The following KIAA0232 variants were observed in gnomAD, a reference collection of about 807,000 sequenced individuals.
The protein encoded by KIAA0232 is uncharacterized protein KIAA0232.
In KIAA0232, 27 loss-of-function variants were observed where a neutral mutation model predicts 122.0. The observed-to-expected ratio is 0.22, with a 90% confidence interval of 0.16 to 0.31. The LOEUF is 0.31. Ranked by LOEUF, KIAA0232 falls within the 10% of genes least tolerant of loss-of-function variation. The pLI, the probability that KIAA0232 is intolerant of heterozygous loss-of-function variation, is 1.00. For synonymous variants in KIAA0232, 613 were observed against 587.6 expected, an observed-to-expected ratio of 1.04 and a Z score of -0.63; for missense variants, 1,551 against 1,634.2, an observed-to-expected ratio of 0.95 and a Z score of 0.88.
chr4:6,860,439 A>G (rs1720792940), intron 6 of KIAA0232, among the ~76,000 whole-genome samples: 1 of 152,216 alleles, frequency 6.6e-6, no homozygotes. Context: ...CAACGCTCAC[A>G]ATAACTTTGG....
chr4:6,878,366 C>G (rs1331127018), intron 9 of KIAA0232, among the ~76,000 whole-genome samples: 1 of 110,850 alleles, frequency 9.0e-6, no homozygotes, highest in South Asian at 2.8e-4. Flanking sequence ...CAGAGCAAAA[C>G]TCCATCATTC....
At position 6,864,069 on chromosome 4, in the gene KIAA0232, T is replaced by C. The variant is rs766892551; in HGVS notation, c.3687T>C (p.Asn1229=). The C allele has an allele frequency of 1.9e-6, 3 of 1,614,040 alleles. No individual in the cohort carries two copies. Among genetic ancestry groups the C allele is most frequent in the East Asian group, 4.5e-5 (2 of 44,894 alleles). Residue 1229 remains asparagine (N), a synonymous_variant, in exon 7 of 10, where the codon AAT becomes AAC. Coordinates refer to ENST00000307659, the MANE Select transcript of KIAA0232 (RefSeq NM_014743.3). ...TAGATTTAGAAAGCTCAGAAGCAAATTGTAAAATAATGGCACAATGCGAGG... is the reference window on the plus strand; with the variant it reads ...TAGATTTAGAAAGCTCAGAAGCAAACTGTAAAATAATGGCACAATGCGAGG... ...LEIDLESSEA[N]CKIMAQCEEE...
intron 1 of KIAA0232, among the ~76,000 whole-genome samples, chr4:6,783,615 G>C (rs931985327): frequency 1.3e-5 from 2 of 151,398 alleles, no homozygotes; most frequent in East Asian, 1.9e-4. Flanking sequence ...CCGCCGGGCG[G>C]GGGAGGAGGG....
chr4:6,836,039 G>A (rs377310744), intron 3 of KIAA0232, among the ~76,000 whole-genome samples: 2 of 152,300 alleles, frequency 1.3e-5, no homozygotes, highest in African/African-American at 4.8e-5. Flanking sequence ...TTGAGGGATC[G>A]CCACACTGTC....
chr4:6,860,807 A>C (rs758270106), intron 6 of KIAA0232, 94 bp from the exon 7 acceptor site: 6 of 1,085,676 alleles, frequency 5.5e-6, no homozygotes, highest in Non-Finnish European at 6.7e-6. Flanking sequence ...CACTACTAAA[A>C]TGAAATATTC....
Position 6,861,656 on chromosome 4 carries a change from G to A in KIAA0232, c.1274G>A (p.Arg425Gln), listed in dbSNP as rs1398443194. 3.5e-5 allele frequency: 57 copies of A among 1,613,918 alleles called. No individual in the cohort carries two copies. Among genetic ancestry groups the A allele is most frequent in the Admixed American group, 3.5e-4 (21 of 59,988 alleles). The change falls in exon 7 of 10, where the codon CGA becomes CAA. Residue 425 changes from arginine (R) to glutamine (Q), a missense_variant. By Grantham distance (43) the Arg-to-Gln change is conservative. Coordinates refer to ENST00000307659, the MANE Select transcript of KIAA0232 (RefSeq NM_014743.3). ...AAAAGTAAACTAGAGACCACATACC[G>A]AAACAGACAGGATACAAGTGATCTG... ...SRKSKLETTY[R>Q]NRQDTSDLTS...
chr4:6,790,392 C>CT (rs10532360), intron 1 of KIAA0232, among the ~76,000 whole-genome samples: 4,990 of 109,304 alleles, frequency 0.046, 333 homozygotes, highest in African/African-American at 0.054. Context: ...TAAAAAAGGT[C>CT]TTTTTTTTTT....
intron 3 of KIAA0232, among the ~76,000 whole-genome samples, chr4:6,826,182 T>C (rs1432428944): frequency 6.6e-6 from 1 of 152,228 alleles, no homozygotes; most frequent in African/African-American, 2.4e-5. Flanking sequence ...TCATCATGTC[T>C]AGCTGGACAC....
chr4:6,872,271 C>G (rs958133690), intron 8 of KIAA0232, among the ~76,000 whole-genome samples: 12 of 152,090 alleles, frequency 7.9e-5, no homozygotes, highest in African/African-American at 2.9e-4. Context: ...TAAGCCCTTG[C>G]AGTAGTTTGG....
rs1471116742 is a variant in KIAA0232, at chr4:6,883,277, T to G, written c.*2311T>G. ...GGGCTGAGATTGTTTTTCCCGTGGT[T>G]GTATTGTTCTGATTTCACGTACACC... On this transcript the variant is annotated 3_prime_UTR_variant, in exon 10 of 10. Transcript: ENST00000307659. 1 of 152,668 alleles carries G rather than the reference T, an allele frequency of 6.6e-6. No homozygotes were observed. Among genetic ancestry groups the G allele is most frequent in the African/African-American group, 2.4e-5 (1 of 41,460 alleles). 9.5% of individuals were successfully genotyped at this position (152,668 alleles called of 1,614,324 possible). A position where few individuals can be genotyped will look rare whatever the true frequency, so the allele number is the denominator to read the frequency against.
chr4:6,857,368 G>A, intron 5 of KIAA0232, 138 bp downstream of exon 5: 2 of 601,668 alleles, frequency 3.3e-6, no homozygotes, highest in Non-Finnish European at 5.4e-6. Context: ...CACTAGGCCA[G>A]CCTCATGCTC....
chr4:6,812,074 T>G (rs1717905781), intron 2 of KIAA0232, among the ~76,000 whole-genome samples: 1 of 152,144 alleles, frequency 6.6e-6, no homozygotes, highest in African/African-American at 2.4e-5. Flanking sequence ...CTGGGCACAT[T>G]GTGTTATTTC....
rs559028182 is a variant in KIAA0232 at position 6,883,777 on chromosome 4, G to A, written c.*2811G>A. 5.3e-4 allele frequency: 80 copies of A among 152,320 alleles called. No homozygotes were observed. The highest frequency in any genetic ancestry group is 1.5e-3 in the African/African-American group (62 of 41,566). The allele number at this position is 152,320 out of a possible 1,614,324, so 9.4% of individuals were successfully genotyped here. A position where few individuals can be genotyped will look rare whatever the true frequency, so the allele number is the denominator to read the frequency against. ...GTTTTTAAAGAAGTATAAGGGAAAA[G>A]GAAAACTCATATGTCCTTCTGTCAC... On this transcript the variant is annotated 3_prime_UTR_variant, in exon 10 of 10. Coordinates refer to ENST00000307659, the MANE Select transcript of KIAA0232 (RefSeq NM_014743.3).
intron 8 of KIAA0232, among the ~76,000 whole-genome samples, chr4:6,875,506 G>T (rs1044592709): frequency 1.3e-5 from 2 of 152,200 alleles, no homozygotes; most frequent in Non-Finnish European, 2.9e-5. Context: ...GGCCAGTGCA[G>T]CTGCAGGAAG....
intron 2 of KIAA0232, among the ~76,000 whole-genome samples, chr4:6,804,885 C>A (rs950333795): frequency 6.6e-6 from 1 of 152,136 alleles, no homozygotes; most frequent in Non-Finnish European, 1.5e-5. Context: ...CTGATTAGAA[C>A]ATCTCCTGTT....
chr4:6,861,231 T>G lies in KIAA0232; in HGVS notation c.849T>G (p.Ile283Met). The G allele has an allele frequency of 1.2e-6, 2 of 1,614,102 alleles. No homozygotes were observed. The highest frequency in any genetic ancestry group is 1.7e-6 in the Non-Finnish European group (2 of 1,180,040). The change falls in exon 7 of 10, where the codon ATT becomes ATG. Residue 283 changes from isoleucine to methionine, a missense_variant. Transcript: ENST00000307659. ...TCCGACATAAACCTGAAGGAAAGATTCGCCCTCGCTCGTGGTCTTCTGGCT... is the reference window on the plus strand; with the variant it reads ...TCCGACATAAACCTGAAGGAAAGATGCGCCCTCGCTCGTGGTCTTCTGGCT... ...KQIRHKPEGK[I>M]RPRSWSSGSS...
rs376757364 is a variant in KIAA0232, at chr4:6,881,005, T to C, written c.*39T>C. The C allele has an allele frequency of 1.2e-5, 17 of 1,375,094 alleles. No homozygotes were observed. The highest frequency in any genetic ancestry group is 1.1e-4 in the South Asian group (6 of 54,444). The allele number at this position is 1,375,094 out of a possible 1,614,324, so 85.2% of individuals were successfully genotyped here. Reference sequence around the variant, plus strand: ...TACAAATTATTGTTTAAAAATGATATGTGATGGAAAATTACTCTTCAGTGA... The same window carrying C: ...TACAAATTATTGTTTAAAAATGATACGTGATGGAAAATTACTCTTCAGTGA... On this transcript the variant is annotated 3_prime_UTR_variant, in exon 10 of 10. Coordinates refer to ENST00000307659, the MANE Select transcript of KIAA0232 (RefSeq NM_014743.3).
Position 6,863,794 on chromosome 4 carries a change from C to G in KIAA0232, c.3412C>G (p.Pro1138Ala). ...SEKDEANIPI[P>A]SQVDIFEDPQ... The stretch of plus-strand genomic sequence containing the variant: ...GAAAGATGAAGCAAATATTCCCATT[C>G]CTTCTCAAGTTGATATATTTGAAGA... The change falls in exon 7 of 10, where the codon CCT becomes GCT. Residue 1138 changes from proline (P) to alanine (A), a missense_variant. By Grantham distance (27) the Pro-to-Ala change is conservative (BLOSUM62 -1). Transcript: ENST00000307659. The G allele has an allele frequency of 6.2e-7, 1 of 1,614,126 alleles. No homozygotes were observed.
intron 3 of KIAA0232, among the ~76,000 whole-genome samples, chr4:6,832,241 T>G (rs138986400): frequency 0.012 from 1,838 of 152,322 alleles, 17 homozygotes; most frequent in Non-Finnish European, 0.019. Context: ...TCAGCCCTCT[T>G]ACCTAATTTA....
Sources: gnomAD v4.1 joint callset for allele counts (sites outside exome capture counted in the v4.1 genomes callset) on GRCh38, gnomAD v4.1.1 for gene constraint, MANE v1.5 for transcripts, NCBI Gene and HGNC (gene_info 2026-07-23, HGNC 2026-07-21) for gene names.